DSCAM: variants seen among roughly 807,000 people sequenced by gnomAD.
DSCAM encodes the protein DS cell adhesion molecule, also known as cell adhesion molecule DSCAM.
A neutral mutation model predicts 217.7 loss-of-function variants in DSCAM; 47 were observed. The observed-to-expected ratio is 0.22, with a 90% confidence interval of 0.17 to 0.28. DSCAM has a LOEUF of 0.28. Among genes scored for constraint, DSCAM ranks in the 10% least tolerant of loss-of-function variants. The probability of loss-of-function intolerance (pLI) is 1.00; values close to 1 mark genes in which losing one functional copy is unlikely to be tolerated. For synonymous variants in DSCAM, 1,056 were observed against 1,015.3 expected, an observed-to-expected ratio of 1.04 and a Z score of -0.76; for missense variants, 2,080 against 2,618.3, an observed-to-expected ratio of 0.79 and a Z score of 4.49.
At chr21:40,513,810 A>G (rs1253963775) in intron 3 of DSCAM, among the ~76,000 whole-genome samples, 1 of 152,186 alleles carries the variant, frequency 6.6e-6, no homozygotes, top group African/African-American at 2.4e-5. Context: ...GAATAAAAGC[A>G]AAATAACATA....
intron 21 of DSCAM, among the ~76,000 whole-genome samples, chr21:40,091,867 A>T (rs1004502960): frequency 2.6e-5 from 4 of 152,082 alleles, no homozygotes; most frequent in African/African-American, 9.7e-5. Context: ...CACAGGAAAG[A>T]CCTGCTCCCA....
intron 1 of DSCAM, among the ~76,000 whole-genome samples, chr21:40,791,156 C>CA (rs61244663): frequency 0.13 from 17,838 of 141,928 alleles, 1,290 homozygotes; most frequent in East Asian, 0.22. Context: ...GACTTCATCT[C>CA]AAAAAAAAAA....
At chr21:40,784,456 G>C (rs748885755) in intron 1 of DSCAM, among the ~76,000 whole-genome samples, 8 of 152,114 alleles carry the variant, frequency 5.3e-5, no homozygotes, top group Non-Finnish European at 1.0e-4. Context: ...CCCAGTCTCA[G>C]GTATGTCTTT....
In DSCAM at chr21:40,320,847, T is replaced by C. The variant is rs148684636; in HGVS notation, c.1784-8488A>G. ...CCACAACACGTGGGAATTATGGGAG[T>C]AAAATTCAAGATGAGATTTGGGTGG... On this transcript the variant is annotated intron_variant, in intron 8 of 32. Coordinates refer to ENST00000400454, the MANE Select transcript of DSCAM (RefSeq NM_001389.5). 3.6e-3 allele frequency among the ~76,000 whole-genome samples: 546 copies of C among 152,202 alleles called. 5 individuals are homozygous for C. The highest frequency in any genetic ancestry group is 0.013 in the African/African-American group (524 of 41,520).
At chr21:40,488,045 CT>C (rs1048887402) in intron 3 of DSCAM, among the ~76,000 whole-genome samples, 4 of 152,230 alleles carry the variant, frequency 2.6e-5, no homozygotes, top group Non-Finnish European at 5.9e-5. Context: ...GTTGATGTTT[CT>C]GTCTTTCTAA....
chr21:40,099,875 A>T (rs1391046035), intron 20 of DSCAM, among the ~76,000 whole-genome samples: 1 of 152,214 alleles, frequency 6.6e-6, no homozygotes, highest in Non-Finnish European at 1.5e-5. Context: ...TTTGAGCTCT[A>T]GGGAATCTCT....
At chr21:40,759,788 C>G (rs1041372240) in intron 1 of DSCAM, among the ~76,000 whole-genome samples, 5 of 152,106 alleles carry the variant, frequency 3.3e-5, no homozygotes, top group Non-Finnish European at 7.4e-5. Context: ...GCCTGGGGTG[C>G]CAGTCTTTGC....
chr21:40,523,511 C>T (rs1014113931), intron 3 of DSCAM, among the ~76,000 whole-genome samples: 1 of 151,904 alleles, frequency 6.6e-6, no homozygotes, highest in African/African-American at 2.4e-5. Context: ...TTCGGGGAGG[C>T]AGAGGGAGGA....
At chr21:40,148,436 G>A (rs2090383658) in intron 16 of DSCAM, among the ~76,000 whole-genome samples, 1 of 152,188 alleles carries the variant, frequency 6.6e-6, no homozygotes. Context: ...TTATGGCTAC[G>A]GCTGCACATC....
chr21:40,621,883 AAGAAAG>A (rs1417884704), intron 3 of DSCAM, among the ~76,000 whole-genome samples: 1 of 129,412 alleles, frequency 7.7e-6, no homozygotes, highest in Non-Finnish European at 1.6e-5. Flanking sequence ...AAAAGAAAGA[AAGAAAG>A]AGAGAGAGAG....
intron 2 of DSCAM, among the ~76,000 whole-genome samples, chr21:40,698,676 C>G (rs1354403195): frequency 6.6e-6 from 1 of 151,998 alleles, no homozygotes; most frequent in African/African-American, 2.4e-5. Context: ...TCAAGACCAG[C>G]CTGGCCAACA....
chr21:40,729,141 A>G (rs1386234382), intron 1 of DSCAM, among the ~76,000 whole-genome samples: 1 of 152,246 alleles, frequency 6.6e-6, no homozygotes, highest in Non-Finnish European at 1.5e-5. Flanking sequence ...TATGCTAAGT[A>G]ATCTAAATAC....
In DSCAM at chr21:40,431,097, T is replaced by C. The variant is rs914162968; in HGVS notation, c.509-61852A>G. On this transcript the variant is annotated intron_variant, in intron 3 of 32. Coordinates refer to ENST00000400454, the MANE Select transcript of DSCAM (RefSeq NM_001389.5). ...CGAAGATAAATAGAACAAAAATAGT[T>C]ATCCTGCCACATCTTCATTATCTCT... Among the ~76,000 whole-genome samples the C allele has an allele frequency of 3.3e-5, 5 of 152,342 alleles. No individual in the cohort carries two copies. The South Asian group carries it at 6.2e-4, about 19-fold the overall frequency.
intron 29 of DSCAM, among the ~76,000 whole-genome samples, chr21:40,053,102 A>G (rs1235825055): frequency 1.3e-5 from 2 of 152,228 alleles, no homozygotes; most frequent in Non-Finnish European, 2.9e-5. Context: ...CGAAAGTCGT[A>G]AACAACACAG....
chr21:40,560,349 G>C (rs952793742), intron 3 of DSCAM, among the ~76,000 whole-genome samples: 3 of 152,136 alleles, frequency 2.0e-5, no homozygotes, highest in African/African-American at 4.8e-5. Flanking sequence ...GGGACCCCCT[G>C]TGTGGGGTGG....
chr21:40,334,822 C>T (rs987795775), intron 8 of DSCAM, among the ~76,000 whole-genome samples: 5 of 152,060 alleles, frequency 3.3e-5, no homozygotes, highest in Admixed American at 3.3e-4. Flanking sequence ...TAAAAGCATC[C>T]TTTTAAAACC....
chr21:40,083,190 A>C (rs919459179), intron 24 of DSCAM, among the ~76,000 whole-genome samples: 1 of 152,222 alleles, frequency 6.6e-6, no homozygotes, highest in South Asian at 2.1e-4. Context: ...GTACTTTGAG[A>C]GGCCGAGGTG....
chr21:40,309,361 T>C (rs1477609846), intron 9 of DSCAM, among the ~76,000 whole-genome samples: 3 of 152,230 alleles, frequency 2.0e-5, no homozygotes, highest in African/African-American at 7.2e-5. Context: ...CTTTGTCTAC[T>C]TTCAGCAGGA....
At chr21:40,085,052 A>C (rs970026488) in intron 23 of DSCAM, among the ~76,000 whole-genome samples, 2 of 152,216 alleles carry the variant, frequency 1.3e-5, no homozygotes, top group Non-Finnish European at 2.9e-5. Context: ...GGATTTACAC[A>C]AAATTTTAAC....
Sources: gnomAD v4.1 joint callset for allele counts (sites outside exome capture counted in the v4.1 genomes callset) on GRCh38, gnomAD v4.1.1 for gene constraint, MANE v1.5 for transcripts, NCBI Gene and HGNC (gene_info 2026-07-23, HGNC 2026-07-21) for gene names.